Variants in IL6R observed in about 807,000 individuals in gnomAD.
IL6R encodes the protein interleukin 6 receptor.
Under a neutral mutation model 48.3 loss-of-function variants are expected in IL6R, and 38 were observed. That is an observed-to-expected ratio of 0.79 (90% CI 0.61 to 1.03). The LOEUF is 1.03. Among genes scored for constraint, IL6R ranks in the 50% least tolerant of loss-of-function variants. The pLI is 0.00. For synonymous variants in IL6R, 264 were observed against 256.2 expected, an observed-to-expected ratio of 1.03 and a Z score of -0.29; for missense variants, 534 against 618.3, an observed-to-expected ratio of 0.86 and a Z score of 1.45.
chr1:154,445,204 A>G, intron 6 of IL6R: 1 of 431,480 alleles, frequency 2.3e-6, no homozygotes, highest in Non-Finnish European at 4.7e-6. Context: ...GGCTGCGAGG[A>G]AAGGTGTGAA....
intron 5 of IL6R, among the ~76,000 whole-genome samples, chr1:154,435,666 G>C (rs1570964441): frequency 6.6e-6 from 1 of 152,250 alleles, no homozygotes; most frequent in South Asian, 2.1e-4. Context: ...TGCCAGGCCA[G>C]TCTCCTCTTC....
At chr1:154,428,263 C>T (rs888387430) in intron 1 of IL6R, among the ~76,000 whole-genome samples, 1 of 151,824 alleles carries the variant, frequency 6.6e-6, no homozygotes, top group Non-Finnish European at 1.5e-5. Context: ...GTAGAGAATG[C>T]ATTTTTTTTT....
chr1:154,449,427 C>T (rs1006385087), intron 7 of IL6R, among the ~76,000 whole-genome samples: 4 of 152,080 alleles, frequency 2.6e-5, no homozygotes, highest in African/African-American at 4.8e-5. Flanking sequence ...GCAGGAGAAT[C>T]GCTTGAACCT....
intron 6 of IL6R, among the ~76,000 whole-genome samples, chr1:154,442,511 G>A (rs1043538798): frequency 6.6e-6 from 1 of 152,176 alleles, no homozygotes; most frequent in Non-Finnish European, 1.5e-5. Flanking sequence ...GAGTGGAAGT[G>A]GAATGCCATA....
At chr1:154,436,933 A>G (rs964373895) in intron 6 of IL6R, among the ~76,000 whole-genome samples, 2 of 152,204 alleles carry the variant, frequency 1.3e-5, no homozygotes, top group Non-Finnish European at 2.9e-5. Context: ...ACATGTTAGT[A>G]TGCTGCTTTC....
chr1:154,416,378 C>T (rs1200847877), intron 1 of IL6R, among the ~76,000 whole-genome samples: 1 of 150,354 alleles, frequency 6.7e-6, no homozygotes, highest in Non-Finnish European at 1.5e-5. Context: ...CTCCTGGTCT[C>T]AAGAGATCCT....
intron 9 of IL6R, among the ~76,000 whole-genome samples, chr1:154,464,125 A>G (rs1397409810): frequency 1.3e-5 from 2 of 151,372 alleles, no homozygotes; most frequent in African/African-American, 4.9e-5. Flanking sequence ...CTACTAAAAG[A>G]ATGCTTTCTT....
chr1:154,411,350 G>A (rs573196054), intron 1 of IL6R, among the ~76,000 whole-genome samples: 1 of 152,286 alleles, frequency 6.6e-6, no homozygotes, highest in South Asian at 2.1e-4. Flanking sequence ...ATGAGCCACC[G>A]CGCCTGGCCG....
intron 8 of IL6R, among the ~76,000 whole-genome samples, chr1:154,453,008 C>T (rs527244962): frequency 2.0e-5 from 3 of 151,944 alleles, no homozygotes; most frequent in African/African-American, 7.3e-5. Context: ...AGTTGGAGAC[C>T]AGCTTGGGCA....
intron 4 of IL6R, 91 bp from the exon 5 acceptor site, chr1:154,434,899 G>C: frequency 7.1e-7 from 1 of 1,410,850 alleles, no homozygotes; most frequent in Non-Finnish European, 9.8e-7. Flanking sequence ...ACGGGGCTGG[G>C]TGGGGCCCTG....
chr1:154,458,929 C>A (rs10159236), intron 9 of IL6R, among the ~76,000 whole-genome samples: 23,810 of 151,354 alleles, frequency 0.16, 1,942 homozygotes, highest in South Asian at 0.18. Flanking sequence ...AAGAAGAAGG[C>A]CAAGAATCAA....
intron 1 of IL6R, among the ~76,000 whole-genome samples, chr1:154,410,611 A>C (rs886266182): frequency 1.3e-5 from 2 of 152,110 alleles, no homozygotes; most frequent in Non-Finnish European, 2.9e-5. Flanking sequence ...CTGGGATCTG[A>C]AGAGGTCAAA....
chr1:154,405,404 G>T lies in IL6R; in HGVS notation c.-226G>T. 1 of 517,860 alleles carries T rather than the reference G, an allele frequency of 1.9e-6. No individual in the cohort carries two copies. The highest frequency in any genetic ancestry group is 3.4e-6 in the Non-Finnish European group (1 of 295,776). 32.1% of individuals were successfully genotyped at this position (517,860 alleles called of 1,614,324 possible). A position where few individuals can be genotyped will look rare whatever the true frequency, so the allele number is the denominator to read the frequency against. ...CTGAGTCATGTGCGAGTGGGAAGTC[G>T]CACTGACACTGAGCCGGGCCAGAGG... On this transcript the variant is annotated 5_prime_UTR_variant, in exon 1 of 10. Transcript: ENST00000368485. The surrounding 1 kb of genome is among the most constrained non-coding windows in gnomAD (Gnocchi z 5.2).
chr1:154,427,898 TG>T (rs1434186349), intron 1 of IL6R, among the ~76,000 whole-genome samples: 1 of 152,264 alleles, frequency 6.6e-6, no homozygotes, highest in Non-Finnish European at 1.5e-5. Context: ...AGCCTTGTGC[TG>T]CTTCTGAGTC....
intron 6 of IL6R, among the ~76,000 whole-genome samples, chr1:154,440,827 A>G (rs1689893735): frequency 6.6e-6 from 1 of 151,700 alleles, no homozygotes; most frequent in South Asian, 2.1e-4. Flanking sequence ...TAATTTTTGT[A>G]TTTTTAGCAG....
chr1:154,437,490 G>T (rs1266616296), intron 6 of IL6R: 1 of 444,672 alleles, frequency 2.2e-6, no homozygotes. Context: ...CACAGCTCAC[G>T]GCAACTTCTG....
At chr1:154,413,318 G>T (rs148565198) in intron 1 of IL6R, among the ~76,000 whole-genome samples, 28 of 152,342 alleles carry the variant, frequency 1.8e-4, no homozygotes, top group African/African-American at 6.7e-4. Context: ...ACCTTTTGAT[G>T]GATGTTTAGT....
intron 1 of IL6R, among the ~76,000 whole-genome samples, chr1:154,420,198 T>TA (rs35402075): frequency 0.12 from 18,473 of 152,144 alleles, 1,365 homozygotes; most frequent in African/African-American, 0.2. Context: ...CATCAACTAT[T>TA]AAATAATAAA....
intron 7 of IL6R, among the ~76,000 whole-genome samples, chr1:154,448,687 T>G (rs530625126): frequency 6.6e-6 from 1 of 152,212 alleles, no homozygotes; most frequent in African/African-American, 2.4e-5. Context: ...CTCTTGAACC[T>G]TATCTGTGTT....
Sources: gnomAD v4.1 joint callset for allele counts (sites outside exome capture counted in the v4.1 genomes callset) on GRCh38, gnomAD v4.1.1 for gene constraint, Gnocchi (gnomAD v3.1) non-coding constraint, MANE v1.5 for transcripts, NCBI Gene and HGNC (gene_info 2026-07-23, HGNC 2026-07-21) for gene names.